LIMCH1: variants seen among roughly 807,000 people sequenced by gnomAD.
LIMCH1 encodes LIM and calponin homology domains-containing protein 1.
In LIMCH1, 113 loss-of-function variants were observed where a neutral mutation model predicts 176.5. That is an observed-to-expected ratio of 0.64 (90% CI 0.55 to 0.75). The LOEUF (loss-of-function observed/expected upper bound fraction) is 0.75, where lower values mean the gene tolerates loss of function less well. Ranked by LOEUF, LIMCH1 falls within the 30% of genes least tolerant of loss-of-function variation. The probability of loss-of-function intolerance (pLI) is 0.00; values close to 1 mark genes in which losing one functional copy is unlikely to be tolerated. For synonymous variants in LIMCH1, 619 were observed against 645.9 expected, an observed-to-expected ratio of 0.96 and a Z score of 0.63; for missense variants, 1,674 against 1,814.9, an observed-to-expected ratio of 0.92 and a Z score of 1.41.
intron 1 of LIMCH1, among the ~76,000 whole-genome samples, chr4:41,378,439 T>C (rs2055112944): frequency 6.6e-6 from 1 of 152,238 alleles, no homozygotes; most frequent in South Asian, 2.1e-4. Flanking sequence ...TTAAATAAAT[T>C]AATATACTCA....
At chr4:41,666,201 C>T (rs1314459687) in intron 20 of LIMCH1, among the ~76,000 whole-genome samples, 2 of 152,142 alleles carry the variant, frequency 1.3e-5, no homozygotes, top group Non-Finnish European at 2.9e-5. Flanking sequence ...ATCTAAATCT[C>T]CTGACATTAC....
chr4:41,422,883 G>C (rs1355857279), intron 1 of LIMCH1, among the ~76,000 whole-genome samples: 1 of 152,100 alleles, frequency 6.6e-6, no homozygotes. Context: ...TCAGCCTCCT[G>C]AGGAGCTGGG....
At chr4:41,514,964 T>C (rs998837592) in intron 2 of LIMCH1, among the ~76,000 whole-genome samples, 5 of 152,208 alleles carry the variant, frequency 3.3e-5, no homozygotes, top group Non-Finnish European at 7.4e-5. Context: ...TCAGCCCCAC[T>C]GTTGAACCCG....
intron 1 of LIMCH1, among the ~76,000 whole-genome samples, chr4:41,564,895 A>G (rs549859575): frequency 3.3e-5 from 5 of 152,032 alleles, no homozygotes; most frequent in Admixed American, 2.6e-4. Flanking sequence ...TTTACTCAGC[A>G]CTCATTTCTC....
chr4:41,606,133 A>G (rs748880676), intron 4 of LIMCH1, 129 bp downstream of exon 4: 18 of 599,466 alleles, frequency 3.0e-5, no homozygotes, highest in Non-Finnish European at 4.9e-5. Context: ...GCACTCAAGG[A>G]AACGATCACT....
chr4:41,445,213 C>T (rs1032483977), intron 1 of LIMCH1, among the ~76,000 whole-genome samples: 8 of 152,192 alleles, frequency 5.3e-5, no homozygotes, highest in African/African-American at 1.9e-4. Flanking sequence ...ACCATGTTGG[C>T]CAGGATGGTC....
At chr4:41,649,937 C>T (rs2094219239) in intron 17 of LIMCH1, among the ~76,000 whole-genome samples, 1 of 152,224 alleles carries the variant, frequency 6.6e-6, no homozygotes, top group Admixed American at 6.5e-5. Flanking sequence ...GTTTCCCCTG[C>T]TACCACCATG....
chr4:41,622,945 C>T (rs1173937016), intron 7 of LIMCH1, among the ~76,000 whole-genome samples: 2 of 152,164 alleles, frequency 1.3e-5, no homozygotes, highest in Non-Finnish European at 2.9e-5. Flanking sequence ...AACACAGCTG[C>T]TCCAAACACC....
chr4:41,650,748 A>G (rs1044088867), intron 18 of LIMCH1, 140 bp downstream of exon 18: 1 of 716,546 alleles, frequency 1.4e-6, no homozygotes, highest in Non-Finnish European at 2.3e-6. Flanking sequence ...TGTAAGTACC[A>G]CAAACTCAGT....
chr4:41,397,658 G>GA (rs145660428), intron 1 of LIMCH1, among the ~76,000 whole-genome samples: 303 of 146,698 alleles, frequency 2.1e-3, no homozygotes, highest in African/African-American at 5.7e-3. Flanking sequence ...TACAGATACA[G>GA]AAAAAAAAAA....
chr4:41,666,972 T>G (rs1355098350), intron 21 of LIMCH1, among the ~76,000 whole-genome samples: 1 of 152,124 alleles, frequency 6.6e-6, no homozygotes, highest in African/African-American at 2.4e-5. Context: ...CTGGGTGTGG[T>G]GGCATGCGCC....
intron 20 of LIMCH1, 103 bp from the exon 21 acceptor site, chr4:41,666,458 T>C: frequency 1.4e-6 from 1 of 689,800 alleles, no homozygotes; most frequent in South Asian, 1.9e-5. Flanking sequence ...CTGTTTGAAC[T>C]GAATGACTTC....
intron 23 of LIMCH1, among the ~76,000 whole-genome samples, chr4:41,678,877 T>C (rs1447387804): frequency 6.6e-6 from 1 of 152,236 alleles, no homozygotes; most frequent in African/African-American, 2.4e-5. Context: ...AGCTTTTATG[T>C]AGTTTTAAGG....
At position 41,360,950 on chromosome 4, in the gene LIMCH1, G is replaced by C; in HGVS notation, c.96+14G>C. ...AAGTGGATTGAGGTAGGTGCGGGTG[G>C]CTGGCGGGCGGCCTTGCACTGGCGC... On this transcript the variant is annotated intron_variant, in intron 1 of 26. Transcript: ENST00000313860. This position sits in a 1 kb window ranked among gnomAD's most constrained non-coding sequence, Gnocchi z 4.5. 6.4e-7 allele frequency: 1 copy of C among 1,555,450 alleles called. No individual in the cohort carries two copies. Among genetic ancestry groups the C allele is most frequent in the Non-Finnish European group, 8.7e-7 (1 of 1,152,640 alleles).
chr4:41,422,640 G>C (rs1218973801), intron 1 of LIMCH1, among the ~76,000 whole-genome samples: 1 of 152,218 alleles, frequency 6.6e-6, no homozygotes, highest in Non-Finnish European at 1.5e-5. Context: ...TTCAAAGGTA[G>C]TGCAAGAAAA....
intron 1 of LIMCH1, among the ~76,000 whole-genome samples, chr4:41,491,970 G>C (rs191764771): frequency 0.061 from 9,303 of 152,224 alleles, 323 homozygotes; most frequent in Non-Finnish European, 0.07. Flanking sequence ...GGGCGGCCAG[G>C]CAGAGATGCT....
At chr4:41,641,958 A>ACTTC in intron 14 of LIMCH1, among the ~76,000 whole-genome samples, 1 of 152,358 alleles carries the variant, frequency 6.6e-6, no homozygotes, top group Admixed American at 6.5e-5. Context: ...AGAGATGGGA[A>ACTTC]CGCAGGACAG....
intron 1 of LIMCH1, among the ~76,000 whole-genome samples, chr4:41,485,653 A>G (rs1034711855): frequency 2.0e-5 from 3 of 152,172 alleles, no homozygotes; most frequent in Non-Finnish European, 2.9e-5. Flanking sequence ...GTGTGTTTCT[A>G]TGTTTACTCC....
chr4:41,594,081 A>G (rs1429010997), intron 1 of LIMCH1, among the ~76,000 whole-genome samples: 1 of 152,224 alleles, frequency 6.6e-6, no homozygotes, highest in East Asian at 1.9e-4. Flanking sequence ...TCTCTCATAT[A>G]AATGCAAAAT....
Sources: gnomAD v4.1 joint callset for allele counts (sites outside exome capture counted in the v4.1 genomes callset) on GRCh38, gnomAD v4.1.1 for gene constraint, Gnocchi (gnomAD v3.1) non-coding constraint, MANE v1.5 for transcripts, NCBI Gene and HGNC (gene_info 2026-07-23, HGNC 2026-07-21) for gene names.